Variants in SLC35G1 observed in about 807,000 individuals in gnomAD.
The protein encoded by SLC35G1 is partner of STIM1.
SLC35G1 carries 10 observed loss-of-function variants against 17.1 expected under a neutral mutation model. The observed-to-expected ratio is 0.59, with a 90% confidence interval of 0.36 to 0.99. The LOEUF (loss-of-function observed/expected upper bound fraction) is 0.99, where lower values mean the gene tolerates loss of function less well. SLC35G1 is among the 50% of genes least tolerant of loss of function. The pLI is 0.01. For synonymous variants in SLC35G1, 185 were observed against 181.1 expected (o/e 1.02, Z -0.18); for missense variants, 433 against 468.4 (o/e 0.92, Z 0.70).
intron 2 of SLC35G1, among the ~76,000 whole-genome samples, chr10:93,899,127 T>C (rs1229923870): frequency 2.0e-5 from 3 of 152,216 alleles, no homozygotes; most frequent in Non-Finnish European, 4.4e-5. Flanking sequence ...GAAGTTTTTT[T>C]AGAATGGGCT....
chr10:93,895,437 G>T (rs2060320822), intron 1 of SLC35G1, among the ~76,000 whole-genome samples: 1 of 152,148 alleles, frequency 6.6e-6, no homozygotes. Flanking sequence ...CCTTCTGGTG[G>T]CATGCCGAAT....
chr10:93,903,444 TA>T lies in SLC35G1; in HGVS notation c.*1957del, dbSNP rs2060408650. The T allele has an allele frequency of 6.6e-6, 1 of 152,188 alleles. No homozygotes were observed. The highest frequency in any genetic ancestry group is 2.4e-5 in the African/African-American group (1 of 41,442). The allele number at this position is 152,188 out of a possible 1,614,324, so 9.4% of individuals were successfully genotyped here. A position where few individuals can be genotyped will look rare whatever the true frequency, so the allele number is the denominator to read the frequency against. On this transcript the variant is annotated 3_prime_UTR_variant, in exon 3 of 3. Coordinates refer to ENST00000427197, the MANE Select transcript of SLC35G1 (RefSeq NM_001134658.3). ...TAGTTCCATGATAAAGTATGGACAG[TA>T]AACCACTACTTGAGCTACCTAAGGT...
Position 93,898,493 on chromosome 10 carries a change from A to G in SLC35G1, c.179-78A>G, listed in dbSNP as rs2060352347. Reference sequence around the variant, plus strand: ...GCCTGTTGACCTTTGACACTGTTCCATTTTTCTCAGTTTCTAAGTGAAAAT... The same window carrying G: ...GCCTGTTGACCTTTGACACTGTTCCGTTTTTCTCAGTTTCTAAGTGAAAAT... On this transcript the variant is annotated intron_variant, in intron 1 of 2. Coordinates refer to ENST00000427197, the MANE Select transcript of SLC35G1 (RefSeq NM_001134658.3). 6 of 1,446,280 alleles carry G rather than the reference A, an allele frequency of 4.1e-6. No homozygotes were observed. In the Admixed American group the frequency reaches 1.1e-4, roughly 26 times the overall value. The allele number at this position is 1,446,280 out of a possible 1,614,324, so 89.6% of individuals were successfully genotyped here.
chr10:93,905,456 A>G (rs1055111353), downstream of SLC35G1, among the ~76,000 whole-genome samples: 2 of 152,112 alleles, frequency 1.3e-5, no homozygotes, highest in African/African-American at 2.4e-5. Flanking sequence ...AAGATAACCT[A>G]TCAGGGACTC....
At chr10:93,899,116 A>G (rs2060358034) in intron 2 of SLC35G1, among the ~76,000 whole-genome samples, 1 of 152,206 alleles carries the variant, frequency 6.6e-6, no homozygotes, top group Admixed American at 6.5e-5. Flanking sequence ...TCCTAGTATC[A>G]GAAGTTTTTT....
At chr10:93,900,631 AATTTACTATT>A in intron 2 of SLC35G1, 111 bp from the exon 3 acceptor site, 1 of 775,310 alleles carries the variant, frequency 1.3e-6, no homozygotes, top group Non-Finnish European at 1.9e-6. Context: ...TATTATAATT[AATTTACTATT>A]CCCTCATTTT....
downstream of SLC35G1, among the ~76,000 whole-genome samples, chr10:93,905,855 T>C (rs994081278): frequency 4.5e-4 from 68 of 152,236 alleles, no homozygotes; most frequent in African/African-American, 1.5e-3. Flanking sequence ...AAAACCATAG[T>C]TGAGCAGAAG....
chr10:93,906,898 G>A (rs1229068895), downstream of SLC35G1, among the ~76,000 whole-genome samples: 2 of 152,094 alleles, frequency 1.3e-5, no homozygotes, highest in East Asian at 3.8e-4. Flanking sequence ...TAAGTATACA[G>A]TGGAGCTTTC....
At chr10:93,909,183 A>G (rs2060444294) in exon 3 of SLC35G1, 1 of 152,230 alleles carries the variant, frequency 6.6e-6, no homozygotes, top group African/African-American at 2.4e-5. Flanking sequence ...AGTCCCTGCA[A>G]CAAGCCTGTT....
rs188233367 is a variant in SLC35G1 at position 93,900,743 on chromosome 10, A to T, written c.360-9A>T. 1 of 1,526,544 alleles carries T rather than the reference A, an allele frequency of 6.6e-7. No individual in the cohort carries two copies. Among genetic ancestry groups the T allele is most frequent in the Admixed American group, 2.1e-5 (1 of 47,330 alleles). The allele number at this position is 1,526,544 out of a possible 1,614,324, so 94.6% of individuals were successfully genotyped here. A position where few individuals can be genotyped will look rare whatever the true frequency, so the allele number is the denominator to read the frequency against. On this transcript the variant is annotated splice_polypyrimidine_tract_variant and intron_variant, in intron 2 of 2. Transcript: ENST00000427197. The stretch of plus-strand genomic sequence containing the variant: ...CATTTAATATGCATTTCTTCATTTG[A>T]ATTTACAGAACTGGGTTTATAGGCC...
In SLC35G1 at chr10:93,901,576, A is replaced by G. The variant is rs1343984771; in HGVS notation, c.*86A>G. ...ATACGCACACATCTGGAAAATCTGC[A>G]TTTTCTTCATTGGTTGTATTTAATA... On this transcript the variant is annotated 3_prime_UTR_variant, in exon 3 of 3. Coordinates refer to ENST00000427197, the MANE Select transcript of SLC35G1 (RefSeq NM_001134658.3). 2 of 1,391,000 alleles carry G rather than the reference A, an allele frequency of 1.4e-6. No homozygotes were observed. The highest frequency in any genetic ancestry group is 4.9e-5 in the East Asian group (2 of 40,824). The allele number at this position is 1,391,000 out of a possible 1,614,324, so 86.2% of individuals were successfully genotyped here.
At chr10:93,905,398 G>A (rs1199546986), downstream of SLC35G1, among the ~76,000 whole-genome samples, 1 of 152,076 alleles carries the variant, frequency 6.6e-6, no homozygotes. Flanking sequence ...CCCGTTTGGT[G>A]CCTTATATCA....
At chr10:93,900,088 AT>A (rs1293981665) in intron 2 of SLC35G1, among the ~76,000 whole-genome samples, 3 of 152,190 alleles carry the variant, frequency 2.0e-5, no homozygotes, top group Non-Finnish European at 4.4e-5. Flanking sequence ...GTAAATATTT[AT>A]TGAAAAAGAA....
exon 3 of SLC35G1, chr10:93,909,567 C>T (rs2060447536): frequency 6.6e-6 from 1 of 151,816 alleles, no homozygotes; most frequent in Admixed American, 6.6e-5. Flanking sequence ...GCTTTATGTA[C>T]CTCTGGTTTG....
intron 1 of SLC35G1, among the ~76,000 whole-genome samples, chr10:93,897,609 C>T (rs2060343328): frequency 6.6e-6 from 1 of 152,190 alleles, no homozygotes; most frequent in African/African-American, 2.4e-5. Flanking sequence ...CTTTTGCTCT[C>T]TGAATGACAG....
downstream of SLC35G1, among the ~76,000 whole-genome samples, chr10:93,905,209 A>G (rs10882364): frequency 6.6e-6 from 1 of 151,806 alleles, no homozygotes; most frequent in Non-Finnish European, 1.5e-5. Context: ...CTCGGTAAGC[A>G]TATTTACTCT....
In SLC35G1 at chr10:93,898,671, A is replaced by C. The variant is rs750895371; in HGVS notation, c.279A>C (p.Gln93His). The change falls in exon 2 of 3, where the codon CAA becomes CAC. Residue 93 changes from glutamine (Q) to histidine (H), a missense_variant. By Grantham distance (24) the Gln-to-His change is conservative. Coordinates refer to ENST00000427197, the MANE Select transcript of SLC35G1 (RefSeq NM_001134658.3). Reference protein sequence around the residue: ...SVGSLFVKKVQDVHAVEISAF... With the variant: ...SVGSLFVKKVHDVHAVEISAF... Reference sequence around the variant, plus strand: ...GCTCTTTATTTGTTAAAAAAGTGCAAGACGTCCATGCTGTAGAGATTAGTG... The same window carrying C: ...GCTCTTTATTTGTTAAAAAAGTGCACGACGTCCATGCTGTAGAGATTAGTG... 4 of 1,613,970 alleles carry C rather than the reference A, an allele frequency of 2.5e-6. No homozygotes were observed. Among genetic ancestry groups the C allele is most frequent in the Non-Finnish European group, 3.4e-6 (4 of 1,179,918 alleles).
At chr10:93,895,138 C>G (rs186450316) in intron 1 of SLC35G1, among the ~76,000 whole-genome samples, 295 of 152,310 alleles carry the variant, frequency 1.9e-3, no homozygotes, top group Admixed American at 3.2e-3. Context: ...CCTGCACCAC[C>G]TTGTCCTCTG....
chr10:93,905,889 G>A (rs1227341280), downstream of SLC35G1, among the ~76,000 whole-genome samples: 2 of 152,174 alleles, frequency 1.3e-5, no homozygotes, highest in African/African-American at 4.8e-5. Context: ...GAGGAAATGT[G>A]TTCAGGTGAA....
Sources: allele counts gnomAD v4.1 joint callset (sites outside exome capture counted in the v4.1 genomes callset), GRCh38; gene constraint gnomAD v4.1.1; transcripts MANE v1.5; gene names NCBI Gene and HGNC (gene_info 2026-07-23, HGNC 2026-07-21).